COMMD10: variants seen among roughly 807,000 people sequenced by gnomAD.
The protein encoded by COMMD10 is COMM domain containing 10.
Under a neutral mutation model 28.9 loss-of-function variants are expected in COMMD10, and 33 were observed. The observed-to-expected ratio is 1.14, with a 90% CI of 0.87 to 1.53. The LOEUF (loss-of-function observed/expected upper bound fraction) is 1.53, where lower values mean the gene tolerates loss of function less well. Ranked by LOEUF, COMMD10 falls within the 40% of genes most tolerant of loss-of-function variation. The probability of loss-of-function intolerance (pLI) is 0.00; values close to 1 mark genes in which losing one functional copy is unlikely to be tolerated. For synonymous variants in COMMD10, 110 were observed against 81.7 expected (o/e 1.35, Z -1.87); for missense variants, 310 against 233.4 (o/e 1.33, Z -2.14).
chr5:116,290,048 C>T (rs1751323711), intron 5 of COMMD10, among the ~76,000 whole-genome samples: 1 of 151,958 alleles, frequency 6.6e-6, no homozygotes, highest in Non-Finnish European at 1.5e-5. Context: ...CCTGGCTTGA[C>T]TGCCACCTTT....
At chr5:116,194,001 A>G (rs10078055) in intron 5 of COMMD10, among the ~76,000 whole-genome samples, 148,895 of 152,198 alleles carry the variant, frequency 0.98, 72,913 homozygotes, top group South Asian at 1. Flanking sequence ...ACTGGAAATC[A>G]ACTCCAAAAG....
At chr5:116,130,318 A>G (rs919204329) in intron 4 of COMMD10, among the ~76,000 whole-genome samples, 7 of 151,958 alleles carry the variant, frequency 4.6e-5, no homozygotes, top group Admixed American at 2.0e-4. Flanking sequence ...GCAAATAAAT[A>G]CTATATGTTA....
At chr5:116,244,343 G>A (rs973956691) in intron 5 of COMMD10, among the ~76,000 whole-genome samples, 3 of 151,926 alleles carry the variant, frequency 2.0e-5, no homozygotes, top group Non-Finnish European at 4.4e-5. Flanking sequence ...ATTTTCACTA[G>A]CATCATTATG....
chr5:116,269,401 T>A (rs1339311634), intron 5 of COMMD10, among the ~76,000 whole-genome samples: 2 of 151,824 alleles, frequency 1.3e-5, no homozygotes, highest in Non-Finnish European at 2.9e-5. Flanking sequence ...CTGAGATCGT[T>A]AAATGGTGTG....
intron 5 of COMMD10, among the ~76,000 whole-genome samples, chr5:116,251,884 G>T (rs1465329835): frequency 6.6e-6 from 1 of 151,712 alleles, no homozygotes; most frequent in Non-Finnish European, 1.5e-5. Context: ...CTTCCACAAG[G>T]GTTGAACTAG....
At chr5:116,181,405 C>G (rs1055413799) in intron 5 of COMMD10, among the ~76,000 whole-genome samples, 1 of 149,250 alleles carries the variant, frequency 6.7e-6, no homozygotes, top group African/African-American at 2.5e-5. Context: ...AATAGTGATA[C>G]AATACAAATT....
chr5:116,219,955 A>G (rs1263241819), intron 5 of COMMD10, among the ~76,000 whole-genome samples: 1 of 152,070 alleles, frequency 6.6e-6, no homozygotes. Flanking sequence ...TAAGGAATTA[A>G]ATAGTCTCTA....
intron 5 of COMMD10, chr5:116,218,223 A>G (rs1749155059): frequency 2.6e-6 from 2 of 758,868 alleles, no homozygotes; most frequent in East Asian, 2.5e-5. Flanking sequence ...AACCTTGCAG[A>G]TCTTCTCTGT....
At chr5:116,130,778 T>C (rs974749980) in intron 4 of COMMD10, among the ~76,000 whole-genome samples, 2 of 152,040 alleles carry the variant, frequency 1.3e-5, no homozygotes, top group African/African-American at 4.8e-5. Context: ...CTAGCCTTTG[T>C]GTACCTATCT....
At chr5:116,162,599 ATTCTC>A (rs1331490139) in intron 5 of COMMD10, among the ~76,000 whole-genome samples, 1 of 152,208 alleles carries the variant, frequency 6.6e-6, no homozygotes, top group Non-Finnish European at 1.5e-5. Flanking sequence ...ATCATTTATC[ATTCTC>A]TATAACTGAG....
At chr5:116,271,029 T>C (rs944318384) in intron 5 of COMMD10, among the ~76,000 whole-genome samples, 3 of 151,516 alleles carry the variant, frequency 2.0e-5, no homozygotes, top group Admixed American at 6.6e-5. Flanking sequence ...GGGCAGGAAA[T>C]CACAGGTTTG....
chr5:116,100,959 A>T (rs1750640895), intron 4 of COMMD10, among the ~76,000 whole-genome samples: 1 of 152,098 alleles, frequency 6.6e-6, no homozygotes, highest in Non-Finnish European at 1.5e-5. Context: ...TGTACACATT[A>T]TTTAGCTCCC....
chr5:116,138,184 A>G (rs1752086539), intron 5 of COMMD10, among the ~76,000 whole-genome samples: 1 of 151,928 alleles, frequency 6.6e-6, no homozygotes, highest in Non-Finnish European at 1.5e-5. Context: ...GAACAAATAA[A>G]TGAAATCATC....
intron 4 of COMMD10, among the ~76,000 whole-genome samples, chr5:116,113,110 A>G (rs2112739812): frequency 6.6e-6 from 1 of 152,254 alleles, no homozygotes; most frequent in South Asian, 2.1e-4. Context: ...CTTGGCTGAC[A>G]GTTGTTTTCT....
chr5:116,194,024 C>G (rs10063296), intron 5 of COMMD10, among the ~76,000 whole-genome samples: 16,114 of 152,152 alleles, frequency 0.11, 951 homozygotes, highest in African/African-American at 0.15. Flanking sequence ...ACCTTCAAAA[C>G]CATGCAAATA....
At position 116,086,977 on chromosome 5, in the gene COMMD10, A is replaced by G. The variant is rs949255572; in HGVS notation, c.42-520A>G. Among the ~76,000 whole-genome samples the G allele has an allele frequency of 3.3e-5, 5 of 152,352 alleles. No individual in the cohort carries two copies. In the East Asian group the frequency reaches 5.8e-4, roughly 18 times the overall value. ...GGGTGACAGAGTAAGACCCTATCTC[A>G]AAATTGATTACTGTTGTAATAATAA... On this transcript the variant is annotated intron_variant, in intron 1 of 6. Transcript: ENST00000274458.
At chr5:116,284,167 T>G (rs575311284) in intron 5 of COMMD10, among the ~76,000 whole-genome samples, 34 of 150,758 alleles carry the variant, frequency 2.3e-4, no homozygotes, top group South Asian at 1.5e-3. Context: ...ATCAGCAAAT[T>G]TAATTTCTTT....
intron 5 of COMMD10, among the ~76,000 whole-genome samples, chr5:116,227,439 C>T (rs114924742): frequency 0.015 from 2,286 of 152,010 alleles, 57 homozygotes; most frequent in African/African-American, 0.048. Flanking sequence ...TCTTTGAAAT[C>T]CCATTTTCTC....
chr5:116,212,668 A>G (rs7723358), intron 5 of COMMD10, among the ~76,000 whole-genome samples: 75,187 of 152,002 alleles, frequency 0.49, 22,030 homozygotes, highest in Non-Finnish European at 0.66. Context: ...TTTTATTGAA[A>G]TTAAATAATG....
Sources: allele counts gnomAD v4.1 joint callset (sites outside exome capture counted in the v4.1 genomes callset), GRCh38; gene constraint gnomAD v4.1.1; transcripts MANE v1.5; gene names NCBI Gene and HGNC (gene_info 2026-07-23, HGNC 2026-07-21).